The following RASSF3 variants were observed in gnomAD, a reference collection of about 807,000 sequenced individuals.
The protein encoded by RASSF3 is ras association domain-containing protein 3.
A neutral mutation model predicts 19.9 loss-of-function variants in RASSF3; 19 were observed. That is an observed-to-expected ratio of 0.96 (90% confidence interval 0.67 to 1.40). The LOEUF (loss-of-function observed/expected upper bound fraction) is 1.40, where lower values mean the gene tolerates loss of function less well. Ranked by LOEUF, RASSF3 falls within the 40% of genes most tolerant of loss-of-function variation. The pLI is 0.00. For synonymous variants in RASSF3, 110 were observed against 104.2 expected (o/e 1.06, Z -0.34); for missense variants, 306 against 289.8 (o/e 1.06, Z -0.41).
chr12:64,532,093 A>G (rs1290653104), upstream of RASSF3, among the ~76,000 whole-genome samples: 4 of 152,200 alleles, frequency 2.6e-5, no homozygotes, highest in Non-Finnish European at 5.9e-5. Flanking sequence ...GCAGATTTCT[A>G]ACCATTAAAA....
At chr12:64,589,387 C>T (rs1258315876) in intron 2 of RASSF3, among the ~76,000 whole-genome samples, 2 of 152,048 alleles carry the variant, frequency 1.3e-5, no homozygotes, top group Non-Finnish European at 1.5e-5. Context: ...GAGGCGGAGG[C>T]TGCAGTGAGC....
intron 2 of RASSF3, among the ~76,000 whole-genome samples, chr12:64,574,197 G>A (rs956861467): frequency 1.2e-4 from 18 of 151,482 alleles, no homozygotes; most frequent in African/African-American, 4.4e-4. Flanking sequence ...TGTAGTCCCA[G>A]CTACTCAGGA....
intron 2 of RASSF3, among the ~76,000 whole-genome samples, chr12:64,560,691 T>G (rs997133608): frequency 2.6e-5 from 4 of 152,252 alleles, no homozygotes; most frequent in African/African-American, 9.6e-5. Flanking sequence ...CTCAGACCAC[T>G]GCTGACATTA....
At chr12:64,569,918 C>A (rs922720785) in intron 2 of RASSF3, among the ~76,000 whole-genome samples, 1 of 152,098 alleles carries the variant, frequency 6.6e-6, no homozygotes, top group African/African-American at 2.4e-5. Context: ...TGAGCCGAGG[C>A]CGTGCCACTG....
intron 1 of RASSF3, among the ~76,000 whole-genome samples, chr12:64,518,014 GA>G (rs1357638167): frequency 3.3e-5 from 5 of 151,938 alleles, no homozygotes; most frequent in Non-Finnish European, 5.9e-5. Flanking sequence ...GAAAAATGGG[GA>G]AACTTCCTTT....
intron 2 of RASSF3, among the ~76,000 whole-genome samples, chr12:64,604,248 C>T (rs1435950896): frequency 1.3e-5 from 2 of 151,912 alleles, no homozygotes; most frequent in Non-Finnish European, 2.9e-5. Flanking sequence ...ACCTCAGCCT[C>T]TTGAGTAGCT....
chr12:64,636,730 G>A (rs1183240239), intron 1 of RASSF3, among the ~76,000 whole-genome samples: 4 of 152,020 alleles, frequency 2.6e-5, no homozygotes, highest in Non-Finnish European at 5.9e-5. Context: ...GCCGGGCATG[G>A]TGGTGCATGC....
At chr12:64,626,693 C>G (rs932811420) in intron 1 of RASSF3, among the ~76,000 whole-genome samples, 5 of 151,940 alleles carry the variant, frequency 3.3e-5, no homozygotes, top group Non-Finnish European at 7.4e-5. Context: ...TCCTGAGTAG[C>G]TGGGACTAGA....
intron 1 of RASSF3, chr12:64,507,375 T>C: frequency 2.5e-6 from 1 of 397,718 alleles, no homozygotes; most frequent in Non-Finnish European, 4.4e-6. Flanking sequence ...CGTTTTTTTG[T>C]GTGTGTGTGT....
chr12:64,678,217 T>G (rs1389722536), intron 1 of RASSF3, among the ~76,000 whole-genome samples: 2 of 152,238 alleles, frequency 1.3e-5, no homozygotes, highest in Non-Finnish European at 2.9e-5. Context: ...TGCTTGATGT[T>G]TTGCTCTATG....
intron 1 of RASSF3, among the ~76,000 whole-genome samples, chr12:64,516,189 A>G (rs1365442200): frequency 1.3e-5 from 2 of 152,228 alleles, no homozygotes; most frequent in Non-Finnish European, 2.9e-5. Context: ...ACCCAACATC[A>G]ATGTCTGATA....
chr12:64,626,502 A>AG (rs1565853946), intron 1 of RASSF3, among the ~76,000 whole-genome samples: 1 of 151,688 alleles, frequency 6.6e-6, no homozygotes, highest in African/African-American at 2.4e-5. Context: ...AAAAAAAAAA[A>AG]AAAGAAAAAA....
intron 1 of RASSF3, among the ~76,000 whole-genome samples, chr12:64,638,671 A>G (rs1274500939): frequency 6.6e-6 from 1 of 151,654 alleles, no homozygotes; most frequent in East Asian, 1.9e-4. Context: ...CTTGGGTCTC[A>G]ATTGCTGGCC....
chr12:64,548,366 T>A (rs1438345334), intron 2 of RASSF3, among the ~76,000 whole-genome samples: 2 of 151,988 alleles, frequency 1.3e-5, no homozygotes, highest in Non-Finnish European at 2.9e-5. Context: ...TTATTTATTT[T>A]TTTTGTAGAG....
chr12:64,622,909 C>T (rs967039649), intron 1 of RASSF3, among the ~76,000 whole-genome samples: 4 of 151,676 alleles, frequency 2.6e-5, no homozygotes, highest in Non-Finnish European at 4.4e-5. Flanking sequence ...CAACCTCCAT[C>T]TCCTGAGTTC....
intron 2 of RASSF3, among the ~76,000 whole-genome samples, chr12:64,590,176 G>A (rs752669091): frequency 4.6e-5 from 7 of 151,448 alleles, no homozygotes; most frequent in Non-Finnish European, 1.0e-4. Flanking sequence ...GGTCAAGGCT[G>A]TAATGAGCTG....
intron 2 of RASSF3, among the ~76,000 whole-genome samples, chr12:64,597,218 C>T (rs1415807124): frequency 6.7e-6 from 1 of 149,732 alleles, no homozygotes; most frequent in Admixed American, 6.6e-5. Context: ...CTGCAACCTC[C>T]ACCTCCTGGG....
chr12:64,563,968 T>C (rs1308488795), intron 2 of RASSF3, among the ~76,000 whole-genome samples: 4 of 152,224 alleles, frequency 2.6e-5, no homozygotes, highest in African/African-American at 9.6e-5. Context: ...GTTTTGCTCA[T>C]AGCTGCATCC....
At chr12:64,588,689 C>CT (rs751795569) in intron 2 of RASSF3, among the ~76,000 whole-genome samples, 6 of 152,028 alleles carry the variant, frequency 3.9e-5, no homozygotes, top group Non-Finnish European at 8.8e-5. Flanking sequence ...TCCATCTGGC[C>CT]TTTTCTCTTT....
Sources: allele counts gnomAD v4.1 joint callset (sites outside exome capture counted in the v4.1 genomes callset), GRCh38; gene constraint gnomAD v4.1.1; transcripts MANE v1.5; gene names NCBI Gene and HGNC (gene_info 2026-07-23, HGNC 2026-07-21).